Variants in GSTA5 observed in about 807,000 individuals in gnomAD.
The protein encoded by GSTA5 is glutathione S-transferase alpha 5.
GSTA5 carries 25 observed loss-of-function variants against 21.8 expected under a neutral mutation model. The ratio of observed to expected loss-of-function variants is 1.14; its 90% CI spans 0.83 to 1.60. The LOEUF is 1.60. Among genes scored for constraint, GSTA5 ranks in the 40% most tolerant of loss-of-function variants. The pLI is 0.00. For synonymous variants in GSTA5, 102 were observed against 89.5 expected (o/e 1.14, Z -0.78); for missense variants, 330 against 259.2 (o/e 1.27, Z -1.88).
chr6:52,833,081 C>G, intron 4 of GSTA5, 91 bp from the exon 5 acceptor site: 1 of 1,481,184 alleles, frequency 6.8e-7, no homozygotes, highest in African/African-American at 1.4e-5. Flanking sequence ...TGACTTTTCC[C>G]ACCTCTGTTG....
At chr6:52,832,605 G>T (rs1025242642) in intron 5 of GSTA5, among the ~76,000 whole-genome samples, 2 of 152,202 alleles carry the variant, frequency 1.3e-5, no homozygotes, top group Non-Finnish European at 1.5e-5. Context: ...GGGAAGAGCT[G>T]CTGGGCACTG....
upstream of GSTA5, among the ~76,000 whole-genome samples, chr6:52,845,359 T>C (rs1764439511): frequency 6.6e-6 from 1 of 152,096 alleles, no homozygotes; most frequent in African/African-American, 2.4e-5. Flanking sequence ...TTGTCACATC[T>C]GCGGGGAGGG....
intron 1 of GSTA5, among the ~76,000 whole-genome samples, chr6:52,837,985 C>T (rs1764316714): frequency 6.6e-6 from 1 of 152,198 alleles, no homozygotes; most frequent in South Asian, 2.1e-4. Flanking sequence ...CCTTGTGTGT[C>T]CCCAGTGTGG....
chr6:52,832,959 A>G (rs762055529), exon 5 of GSTA5: 4 of 1,614,162 alleles, frequency 2.5e-6, no homozygotes, highest in Non-Finnish European at 3.4e-6. Flanking sequence ...CTTGTTGCCA[A>G]CAAGGTAGTC....
intron 1 of GSTA5, among the ~76,000 whole-genome samples, chr6:52,838,218 AT>A (rs1764319681): frequency 6.6e-6 from 1 of 152,142 alleles, no homozygotes; most frequent in African/African-American, 2.4e-5. Flanking sequence ...CACTAACATT[AT>A]TTTTCATGAA....
At chr6:52,840,894 G>C (rs565510308), upstream of GSTA5, 3 of 1,323,024 alleles carry the variant, frequency 2.3e-6, no homozygotes, top group South Asian at 3.8e-5. Context: ...ATGTACTTTA[G>C]GATGTGTGGT....
chr6:52,839,967 C>CA (rs1764348978), intron 1 of GSTA5, among the ~76,000 whole-genome samples: 1 of 152,206 alleles, frequency 6.6e-6, no homozygotes, highest in Non-Finnish European at 1.5e-5. Context: ...CTGTCTATCT[C>CA]CATGACCTAG....
chr6:52,836,199 G>A (rs757540853), intron 3 of GSTA5, 37 bp downstream of exon 3: 3 of 1,608,044 alleles, frequency 1.9e-6, no homozygotes, highest in Non-Finnish European at 2.5e-6. Context: ...ATCACTCTGT[G>A]TTCTCTGTGG....
At chr6:52,832,754 G>A in intron 5 of GSTA5, 105 bp downstream of exon 5, 1 of 1,556,374 alleles carries the variant, frequency 6.4e-7, no homozygotes, top group South Asian at 1.1e-5. Flanking sequence ...GGCACTGAAG[G>A]GCTGGAGAAG....
intron 1 of GSTA5, among the ~76,000 whole-genome samples, chr6:52,837,881 A>G (rs1333021198): frequency 6.6e-6 from 1 of 152,318 alleles, no homozygotes; most frequent in East Asian, 1.9e-4. Flanking sequence ...TTGAGAGGGG[A>G]CATCACTGGA....
intron 4 of GSTA5, 50 bp downstream of exon 4, chr6:52,834,091 C>A (rs1197129405): frequency 6.2e-7 from 1 of 1,609,406 alleles, no homozygotes; most frequent in East Asian, 2.2e-5. Context: ...CACTATTTTT[C>A]TACTGGTGTC....
upstream of GSTA5, among the ~76,000 whole-genome samples, chr6:52,843,562 A>G (rs909491692): frequency 6.6e-6 from 1 of 152,236 alleles, no homozygotes; most frequent in Non-Finnish European, 1.5e-5. Context: ...AATCTTTTAA[A>G]TGTCTACATT....
upstream of GSTA5, among the ~76,000 whole-genome samples, chr6:52,845,555 C>T (rs571860343): frequency 1.3e-4 from 20 of 152,272 alleles, no homozygotes; most frequent in South Asian, 3.5e-3. Context: ...TATGACTTGT[C>T]GTCAAGCTAA....
chr6:52,835,391 G>A (rs1248888421), intron 3 of GSTA5, among the ~76,000 whole-genome samples: 1 of 152,074 alleles, frequency 6.6e-6, no homozygotes, highest in Admixed American at 6.5e-5. Flanking sequence ...GCATGGCTAA[G>A]GCATTTTTTC....
At chr6:52,842,679 A>T (rs1478352282), upstream of GSTA5, among the ~76,000 whole-genome samples, 2 of 152,140 alleles carry the variant, frequency 1.3e-5, no homozygotes, top group East Asian at 3.9e-4. Context: ...TGCTGGAATT[A>T]CAGGCGTGAG....
chr6:52,844,420 T>C (rs1477747294), upstream of GSTA5, among the ~76,000 whole-genome samples: 1 of 152,212 alleles, frequency 6.6e-6, no homozygotes, highest in Non-Finnish European at 1.5e-5. Context: ...AGTGTGTCTT[T>C]CTCTACTTTG....
intron 3 of GSTA5, among the ~76,000 whole-genome samples, chr6:52,835,005 T>C (rs1168628009): frequency 1.3e-5 from 2 of 152,252 alleles, no homozygotes; most frequent in African/African-American, 2.4e-5. Flanking sequence ...ACAAGACCTT[T>C]ATTGACGTAT....
chr6:52,839,264 C>A (rs1764337945), intron 1 of GSTA5, among the ~76,000 whole-genome samples: 2 of 152,144 alleles, frequency 1.3e-5, no homozygotes, highest in African/African-American at 4.8e-5. Context: ...GCCCTGCCCC[C>A]GCCTTCAGTC....
upstream of GSTA5, chr6:52,840,900 G>A (rs1280220560): frequency 8.7e-6 from 11 of 1,265,346 alleles, no homozygotes; most frequent in Middle Eastern, 2.2e-4. Context: ...TTTAGGATGT[G>A]TGGTTGAAAA....
Sources: gnomAD v4.1 joint callset for allele counts (sites outside exome capture counted in the v4.1 genomes callset) on GRCh38, gnomAD v4.1.1 for gene constraint, MANE v1.5 for transcripts, NCBI Gene and HGNC (gene_info 2026-07-23, HGNC 2026-07-21) for gene names.